Variants in CEP164 observed in about 807,000 individuals in gnomAD.
CEP164 encodes the protein centrosomal protein 164, also known as centrosomal protein of 164 kDa.
A neutral mutation model predicts 182.7 loss-of-function variants in CEP164; 162 were observed. That is an observed-to-expected ratio of 0.89 (90% CI 0.78 to 1.01). The LOEUF is 1.01. Among genes scored for constraint, CEP164 ranks in the 50% least tolerant of loss-of-function variants. CEP164 has a pLI of 0.00. For missense variants in CEP164, 1,735 were observed against 1,790.4 expected (o/e 0.97, Z 0.56); for synonymous variants, 661 against 690.0 (o/e 0.96, Z 0.66).
chr11:117,409,780 G>T lies in CEP164; in HGVS notation c.3911G>T (p.Arg1304Leu). Residue 1304 changes from arginine to leucine, a missense_variant, in exon 30 of 33, where the codon CGG (arginine) becomes CTG (leucine). Arg to Leu is a moderately radical substitution (Grantham distance 102, BLOSUM62 -2). Transcript: ENST00000278935. The surrounding 1 kb of genome is among the most constrained non-coding windows in gnomAD (Gnocchi z 4.4). ...TCCATGCCAGCCCAGCTCCCTCCCC[G>T]GGACCCTAAGAGCACCCCCACCCCC... Reference protein sequence around the residue: ...LASMPAQLPPRDPKSTPTPTY... With the variant: ...LASMPAQLPPLDPKSTPTPTY... 6.2e-7 allele frequency: 1 copy of T among 1,613,612 alleles called. No individual in the cohort carries two copies. Among genetic ancestry groups the T allele is most frequent in the South Asian group, 1.1e-5 (1 of 91,058 alleles).
chr11:117,332,589 GAA>G (rs1030817439), intron 1 of CEP164, among the ~76,000 whole-genome samples: 19 of 152,194 alleles, frequency 1.2e-4, no homozygotes, highest in African/African-American at 4.3e-4. Context: ...CAAAAAGAAA[GAA>G]AGAAAAAATA....
At chr11:117,412,026 C>A (rs67023719) in intron 32 of CEP164, 46 bp from the exon 33 acceptor site, 2 of 1,611,310 alleles carry the variant, frequency 1.2e-6, no homozygotes, top group African/African-American at 2.7e-5. Flanking sequence ...ATGGCCCCTG[C>A]CTGGCTATGC....
intron 5 of CEP164, among the ~76,000 whole-genome samples, chr11:117,353,494 G>A (rs2039923918): frequency 6.6e-6 from 1 of 152,220 alleles, no homozygotes; most frequent in South Asian, 2.1e-4. Context: ...CTTGACGAAA[G>A]GCAGGAGACG....
At chr11:117,345,977 G>T (rs144959682) in intron 4 of CEP164, among the ~76,000 whole-genome samples, 3 of 152,100 alleles carry the variant, frequency 2.0e-5, no homozygotes, top group Non-Finnish European at 4.4e-5. Context: ...GTGAGAGCCC[G>T]GCCTGTTCTC....
chr11:117,395,141 G>A lies in CEP164; in HGVS notation c.2863G>A (p.Glu955Lys), dbSNP rs764464059. Residue 955 changes from glutamate (E) to lysine (K), a missense_variant, in exon 23 of 33, where the codon GAG becomes AAG. Coordinates refer to ENST00000278935, the MANE Select transcript of CEP164 (RefSeq NM_014956.5). ...LEVQEETARR[E>K]KQQLLDVQRQ... ...CTGCAAGGAGGAGACCGCCCGGAGGGAGAAGCAGCAGCTGCTTGATGTGCA... is the reference window on the plus strand; with the variant it reads ...CTGCAAGGAGGAGACCGCCCGGAGGAAGAAGCAGCAGCTGCTTGATGTGCA... 2.5e-6 allele frequency: 4 copies of A among 1,614,196 alleles called. No homozygotes were observed. Among genetic ancestry groups the A allele is most frequent in the Non-Finnish European group, 2.5e-6 (3 of 1,180,048 alleles).
chr11:117,339,009 G>A (rs1052694342), intron 3 of CEP164, among the ~76,000 whole-genome samples: 1 of 151,954 alleles, frequency 6.6e-6, no homozygotes, highest in African/African-American at 2.4e-5. Flanking sequence ...AGTAGAGACG[G>A]GTTTCACCAT....
At chr11:117,373,865 G>A in intron 10 of CEP164, 34 bp downstream of exon 10, 1 of 1,574,254 alleles carries the variant, frequency 6.4e-7, no homozygotes, top group East Asian at 2.2e-5. Flanking sequence ...GAGTGGTGGT[G>A]AAGAGCATAG....
In CEP164 at chr11:117,391,110, G is replaced by A. The variant is rs760478363; in HGVS notation, c.2178G>A (p.Lys726=). 2 of 1,614,062 alleles carry A rather than the reference G, an allele frequency of 1.2e-6. No homozygotes were observed. ...ATAGGCAAATGCTGGAGCAGCTCAA[G>A]GAAGAGATAGAGGCTTCGGAGAAGA... is the stretch of plus-strand genomic sequence containing the variant. ...QKNRQMLEQL[K]EEIEASEKSE... is the part of the protein sequence containing the mutation. Residue 726 remains lysine (K), a synonymous_variant, in exon 17 of 33, where the codon AAG becomes AAA. Transcript: ENST00000278935.
chr11:117,377,814 C>T (rs1011752445), intron 11 of CEP164, among the ~76,000 whole-genome samples: 1 of 152,210 alleles, frequency 6.6e-6, no homozygotes, highest in South Asian at 2.1e-4. Context: ...CCACAAAAAA[C>T]GATTATAATG....
intron 11 of CEP164, among the ~76,000 whole-genome samples, chr11:117,378,532 A>G (rs2042986920): frequency 6.6e-6 from 1 of 152,200 alleles, no homozygotes; most frequent in Non-Finnish European, 1.5e-5. Flanking sequence ...TGGTTTATTT[A>G]ACTGAGGACT....
chr11:117,336,904 G>A lies in CEP164; in HGVS notation c.-22+1224G>A, dbSNP rs554584716. Among the ~76,000 whole-genome samples, 3 of 152,116 alleles carry A rather than the reference G, an allele frequency of 2.0e-5. No individual in the cohort carries two copies. In the East Asian group the frequency reaches 5.8e-4, roughly 29 times the overall value. ...GTCTGTGTGTGGCAGCAGTTTCCCA[G>A]GCGACTTCCTTCATCAGGCTGCAGC... On this transcript the variant is annotated intron_variant, in intron 2 of 32. Transcript: ENST00000278935.
At chr11:117,336,479 G>C in intron 2 of CEP164, 1 of 1,488,626 alleles carries the variant, frequency 6.7e-7, no homozygotes, top group East Asian at 2.3e-5. Flanking sequence ...AGGAAAGCTG[G>C]ATTGCCCTGG....
At chr11:117,328,350 C>T (rs1178338045) in intron 1 of CEP164, 2 of 152,286 alleles carry the variant, frequency 1.3e-5, no homozygotes, top group Non-Finnish European at 2.9e-5. Flanking sequence ...CCCCCCGGGT[C>T]CAAATCCGGG....
At chr11:117,364,206 A>G (rs186294255) in intron 8 of CEP164, among the ~76,000 whole-genome samples, 5 of 152,330 alleles carry the variant, frequency 3.3e-5, no homozygotes, top group Admixed American at 3.3e-4. Context: ...CAACAATTAG[A>G]TTTCCCCAAA....
intron 14 of CEP164, among the ~76,000 whole-genome samples, chr11:117,383,154 T>A (rs2043534609): frequency 6.6e-6 from 1 of 152,164 alleles, no homozygotes; most frequent in African/African-American, 2.4e-5. Flanking sequence ...CTTTGGTCTC[T>A]GGGGCTCCTG....
chr11:117,404,420 G>A (rs905051931), intron 27 of CEP164, among the ~76,000 whole-genome samples: 1 of 152,164 alleles, frequency 6.6e-6, no homozygotes, highest in Non-Finnish European at 1.5e-5. Context: ...TTTGCTGCAG[G>A]TCTGCTGGAG....
rs1005621349 is a variant in CEP164 at position 117,412,055 on chromosome 11, C to T, written c.4287-17C>T. ...GCTATGCCCAGCGACTGCAGTTTTCCTTCACCTTGTGGCCAGACCTCTCTT... is the reference window on the plus strand; with the variant it reads ...GCTATGCCCAGCGACTGCAGTTTTCTTTCACCTTGTGGCCAGACCTCTCTT... On this transcript the variant is annotated splice_polypyrimidine_tract_variant and intron_variant, in intron 32 of 32. Transcript: ENST00000278935. 24 of 1,613,898 alleles carry T rather than the reference C, an allele frequency of 1.5e-5. No individual in the cohort carries two copies. Among genetic ancestry groups the T allele is most frequent in the Non-Finnish European group, 2.0e-5 (24 of 1,179,840 alleles).
chr11:117,346,447 C>T (rs530688614), intron 4 of CEP164, among the ~76,000 whole-genome samples: 10 of 151,592 alleles, frequency 6.6e-5, no homozygotes, highest in African/African-American at 9.7e-5. Flanking sequence ...TTAGTAGGGA[C>T]GGGGTTTCGC....
chr11:117,405,002 G>A (rs1175462981), intron 27 of CEP164, among the ~76,000 whole-genome samples: 5 of 152,250 alleles, frequency 3.3e-5, no homozygotes, highest in South Asian at 4.1e-4. Context: ...CAGATGCCCC[G>A]CCCCCACCAA....
Sources: gnomAD v4.1 joint callset for allele counts (sites outside exome capture counted in the v4.1 genomes callset) on GRCh38, gnomAD v4.1.1 for gene constraint, Gnocchi (gnomAD v3.1) non-coding constraint, MANE v1.5 for transcripts, NCBI Gene and HGNC (gene_info 2026-07-23, HGNC 2026-07-21) for gene names.